The following HPCAL1 variants were observed in gnomAD, a reference collection of about 807,000 sequenced individuals.
HPCAL1 encodes the protein hippocalcin-like protein 1.
A neutral mutation model predicts 17.1 loss-of-function variants in HPCAL1; 8 were observed. That is an observed-to-expected ratio of 0.47 (90% CI 0.27 to 0.84). The LOEUF (loss-of-function observed/expected upper bound fraction) is 0.84. Ranked by LOEUF, HPCAL1 falls within the 40% of genes least tolerant of loss-of-function variation. HPCAL1 has a pLI of 0.13. For synonymous variants in HPCAL1, 112 were observed against 111.4 expected, an observed-to-expected ratio of 1.01 and a Z score of -0.03; for missense variants, 165 against 271.1, an observed-to-expected ratio of 0.61 and a Z score of 2.75.
intron 1 of HPCAL1, among the ~76,000 whole-genome samples, chr2:10,319,123 C>T (rs1191128718): frequency 6.6e-6 from 1 of 152,260 alleles, no homozygotes; most frequent in Non-Finnish European, 1.5e-5. Flanking sequence ...TCCAAATTCA[C>T]CTCCTGCTGC....
rs192066571 is a variant in HPCAL1 at position 10,376,965 on chromosome 2, G to A, written c.-110-19870G>A. Among the ~76,000 whole-genome samples, 6 of 149,532 alleles carry A rather than the reference G, an allele frequency of 4.0e-5. No individual in the cohort carries two copies. In the East Asian group the frequency reaches 6.0e-4, roughly 15 times the overall value. ...TATTGTGTGTAGTACAATACATACC[G>A]TATTGTATTGTGTGTAGTACAATAC... On this transcript the variant is annotated intron_variant, in intron 1 of 4. Coordinates refer to ENST00000307845, the MANE Select transcript of HPCAL1 (RefSeq NM_002149.4).
At chr2:10,403,935 C>T (rs777719652) in intron 2 of HPCAL1, among the ~76,000 whole-genome samples, 1 of 152,126 alleles carries the variant, frequency 6.6e-6, no homozygotes, top group African/African-American at 2.4e-5. Flanking sequence ...TCCTAAGTTT[C>T]GATGGTATTT....
chr2:10,396,398 C>T (rs1669026620), intron 1 of HPCAL1, among the ~76,000 whole-genome samples: 1 of 152,216 alleles, frequency 6.6e-6, no homozygotes, highest in African/African-American at 2.4e-5. Flanking sequence ...TTCCACTGAA[C>T]CCTCGTAACA....
intron 1 of HPCAL1, among the ~76,000 whole-genome samples, chr2:10,334,695 C>CTTTTTTTTTTTT (rs553228833): frequency 1.4e-5 from 2 of 146,330 alleles, no homozygotes; most frequent in African/African-American, 2.6e-5. Flanking sequence ...ATTCCATTGA[C>CTTTTTTTTTTTT]TTTTTTTTGA....
chr2:10,388,487 A>G (rs1002820803), intron 1 of HPCAL1, among the ~76,000 whole-genome samples: 3 of 152,180 alleles, frequency 2.0e-5, no homozygotes, highest in African/African-American at 7.2e-5. Context: ...AAGACAACAC[A>G]TCGTGTTTCG....
rs557857515 is a variant in HPCAL1 at position 10,377,274 on chromosome 2, C to G, written c.-110-19561C>G. Among the ~76,000 whole-genome samples, 29 of 152,308 alleles carry G rather than the reference C, an allele frequency of 1.9e-4. No individual in the cohort carries two copies. Among genetic ancestry groups the G allele is most frequent in the African/African-American group, 7.0e-4 (29 of 41,568 alleles). ...GCAGGTGGAAGGCGGCTGAGTGGAGCCGCAGCAAATGCAACCCTGCCCCCG... is the reference window on the plus strand; with the variant it reads ...GCAGGTGGAAGGCGGCTGAGTGGAGGCGCAGCAAATGCAACCCTGCCCCCG... On this transcript the variant is annotated intron_variant, in intron 1 of 4. Coordinates refer to ENST00000307845, the MANE Select transcript of HPCAL1 (RefSeq NM_002149.4). This position sits in a 1 kb window ranked among gnomAD's most constrained non-coding sequence, Gnocchi z 5.9.
chr2:10,343,248 G>A lies in HPCAL1; in HGVS notation c.-111+40071G>A, dbSNP rs1335122447. 4.6e-5 allele frequency among the ~76,000 whole-genome samples: 7 copies of A among 152,192 alleles called. 1 individual carries two copies. The highest frequency in any genetic ancestry group is 2.6e-4 in the Admixed American group (4 of 15,286). ...CTAGCACACCATGGAGGCCTGCCCC[G>A]TCCCCATAAAACACACCACATTCAA... On this transcript the variant is annotated intron_variant, in intron 1 of 4. Transcript: ENST00000307845. This position sits in a 1 kb window ranked among gnomAD's most constrained non-coding sequence, Gnocchi z 4.8.
chr2:10,388,091 C>G (rs1265946568), intron 1 of HPCAL1, among the ~76,000 whole-genome samples: 2 of 152,142 alleles, frequency 1.3e-5, no homozygotes, highest in African/African-American at 4.8e-5. Flanking sequence ...TCTAAGGTCT[C>G]CTGAGAAGGT....
At chr2:10,424,837 G>A in intron 4 of HPCAL1, 2 of 343,166 alleles carry the variant, frequency 5.8e-6, no homozygotes, top group South Asian at 4.3e-5. Context: ...ATGGTGCCCT[G>A]GAGTTTGCCC....
rs1272956533 is a variant in HPCAL1 at position 10,394,427 on chromosome 2, C to T, written c.-110-2408C>T. On this transcript the variant is annotated intron_variant, in intron 1 of 4. Coordinates refer to ENST00000307845, the MANE Select transcript of HPCAL1 (RefSeq NM_002149.4). The surrounding 1 kb of genome is among the most constrained non-coding windows in gnomAD (Gnocchi z 5.0). ...GATTTCTCGGAGTGTCAAAGCAGTG[C>T]GCACGGAGCTGTGAGATAAATTGGC... Among the ~76,000 whole-genome samples, 4 of 152,168 alleles carry T rather than the reference C, an allele frequency of 2.6e-5. No individual in the cohort carries two copies. The highest frequency in any genetic ancestry group is 6.5e-5 in the Admixed American group (1 of 15,274).
intron 2 of HPCAL1, among the ~76,000 whole-genome samples, chr2:10,410,650 G>C (rs1670301776): frequency 6.6e-6 from 1 of 151,922 alleles, no homozygotes; most frequent in Admixed American, 6.6e-5. Flanking sequence ...AGCCGAGCAG[G>C]AGATGGTTCT....
At position 10,410,661 on chromosome 2, in the gene HPCAL1, G is replaced by T. The variant is rs138912274; in HGVS notation, c.-24-9073G>T. Among the ~76,000 whole-genome samples the T allele has an allele frequency of 8.2e-3, 1,247 of 152,100 alleles. 11 individuals carry two copies. The highest frequency in any genetic ancestry group is 0.023 in the Admixed American group (350 of 15,286). ...TTTAAGCCGAGCAGGAGATGGTTCT[G>T]CTCTCAAATAGACTGCCCTCCCCTG... On this transcript the variant is annotated intron_variant, in intron 2 of 4. Coordinates refer to ENST00000307845, the MANE Select transcript of HPCAL1 (RefSeq NM_002149.4).
In HPCAL1 at chr2:10,314,218, A is replaced by AGCATTATG. The variant is rs200092451; in HGVS notation, c.-111+11042_-111+11049dup. Among the ~76,000 whole-genome samples, 1,000 of 152,076 alleles carry AGCATTATG rather than the reference A, an allele frequency of 6.6e-3. 4 individuals are homozygous for AGCATTATG. Among genetic ancestry groups the AGCATTATG allele is most frequent in the African/African-American group, 0.023 (953 of 41,474 alleles). ...CTTAGCAACTGCCATCTTAAGAGGC[A>AGCATTATG]GCATTATGATTCAGAAGAAACTGAT... On this transcript the variant is annotated intron_variant, in intron 1 of 4. Coordinates refer to ENST00000307845, the MANE Select transcript of HPCAL1 (RefSeq NM_002149.4).
At chr2:10,392,473 TC>T (rs1301400315) in intron 1 of HPCAL1, among the ~76,000 whole-genome samples, 1 of 152,250 alleles carries the variant, frequency 6.6e-6, no homozygotes, top group Non-Finnish European at 1.5e-5. Context: ...ATTGTCTCTT[TC>T]TTGAGACAGT....
At chr2:10,379,462 A>G (rs76314668) in intron 1 of HPCAL1, among the ~76,000 whole-genome samples, 5,534 of 151,730 alleles carry the variant, frequency 0.036, 136 homozygotes, top group South Asian at 0.13. Context: ...CTGGGCTATG[A>G]GCAGGAGCTA....
intron 1 of HPCAL1, among the ~76,000 whole-genome samples, chr2:10,329,568 T>A (rs922746074): frequency 1.3e-5 from 2 of 152,232 alleles, no homozygotes; most frequent in Non-Finnish European, 2.9e-5. Context: ...CCAGCCCTAC[T>A]GACACAGTCT....
chr2:10,371,860 G>T (rs902513880), intron 1 of HPCAL1, among the ~76,000 whole-genome samples: 1 of 152,178 alleles, frequency 6.6e-6, no homozygotes, highest in African/African-American at 2.4e-5. Context: ...TTTGTCCGGG[G>T]GGTTTTCTGC....
At position 10,403,454 on chromosome 2, in the gene HPCAL1, T is replaced by TG. The variant is rs1669763650; in HGVS notation, c.-25+6534_-25+6535insG. Among the ~76,000 whole-genome samples the TG allele has an allele frequency of 1.8e-4, 12 of 65,106 alleles. No homozygotes were observed. The African/African-American group carries it at 1.9e-3, about 10-fold the overall frequency. The allele number at this position is 65,106 out of a possible 152,430, so 42.7% of individuals were successfully genotyped here. A position where few individuals can be genotyped will look rare whatever the true frequency, so the allele number is the denominator to read the frequency against. ...GATGCCCTCATAACAAAGAGTTCTT[T>TG]TGTGTGTGTGTGTGTGTGTGTGTGT... On this transcript the variant is annotated intron_variant, in intron 2 of 4. Transcript: ENST00000307845.
intron 1 of HPCAL1, among the ~76,000 whole-genome samples, chr2:10,311,004 G>GA (rs532860647): frequency 6.6e-6 from 1 of 151,788 alleles, no homozygotes; most frequent in Admixed American, 6.6e-5. Flanking sequence ...CACCTATGTT[G>GA]AAAAAAAATC....
Sources: gnomAD v4.1 joint callset for allele counts (sites outside exome capture counted in the v4.1 genomes callset) on GRCh38, gnomAD v4.1.1 for gene constraint, Gnocchi (gnomAD v3.1) non-coding constraint, MANE v1.5 for transcripts, NCBI Gene and HGNC (gene_info 2026-07-23, HGNC 2026-07-21) for gene names.